Variants in MYL4 observed in about 807,000 individuals in gnomAD.
MYL4 encodes myosin light chain 4, also known as atrial myosin light chain 1.
In MYL4, 16 loss-of-function variants were observed where a neutral mutation model predicts 21.6. That is an observed-to-expected ratio of 0.74 (90% confidence interval 0.50 to 1.12). MYL4 has a LOEUF of 1.12. Among genes scored for constraint, MYL4 ranks in the 50% most tolerant of loss-of-function variants. MYL4 has a pLI of 0.00. For synonymous variants in MYL4, 82 were observed against 95.7 expected (o/e 0.86, Z 0.83); for missense variants, 249 against 252.9 (o/e 0.98, Z 0.11).
intron 2 of MYL4, among the ~76,000 whole-genome samples, chr17:47,219,545 G>A (rs1192872570): frequency 6.6e-6 from 1 of 152,042 alleles, no homozygotes; most frequent in Non-Finnish European, 1.5e-5. Flanking sequence ...GTTTCACTCT[G>A]TCACCCAGGC....
chr17:47,204,461 G>T (rs940715643), upstream of MYL4, among the ~76,000 whole-genome samples: 1 of 152,158 alleles, frequency 6.6e-6, no homozygotes. Context: ...TAGTTGCTTT[G>T]TGCTAGACAC....
intron 1 of MYL4, among the ~76,000 whole-genome samples, chr17:47,201,005 C>T (rs1444586324): frequency 1.3e-5 from 2 of 152,130 alleles, no homozygotes; most frequent in African/African-American, 4.8e-5. Context: ...AACCCTGTCT[C>T]TACTAAAAAT....
At chr17:47,224,620 T>C (rs1310423443), downstream of MYL4, among the ~76,000 whole-genome samples, 6 of 152,146 alleles carry the variant, frequency 3.9e-5, no homozygotes, top group Admixed American at 3.9e-4. Flanking sequence ...AATCAGACAG[T>C]GTTTGTCTTT....
the MYL4 span, among the ~76,000 whole-genome samples, chr17:47,192,939 G>A: frequency 6.6e-6 from 1 of 152,090 alleles, no homozygotes; most frequent in Non-Finnish European, 1.5e-5. Flanking sequence ...TTTCTCCTAA[G>A]CCTGCTTCTT....
At chr17:47,197,320 G>A (rs916971389), upstream of MYL4, among the ~76,000 whole-genome samples, 4 of 151,992 alleles carry the variant, frequency 2.6e-5, no homozygotes, top group Admixed American at 6.6e-5. Flanking sequence ...GGATGGTCTC[G>A]ATCTCCTGAC....
At chr17:47,222,053 G>T (rs1266344139) in intron 4 of MYL4, among the ~76,000 whole-genome samples, 198 bp downstream of exon 4, 1 of 152,130 alleles carries the variant, frequency 6.6e-6, no homozygotes, top group East Asian at 1.9e-4. Context: ...GCAGGTACCA[G>T]GGTTTGGGAG....
intron 1 of MYL4, among the ~76,000 whole-genome samples, chr17:47,203,811 T>C (rs1235485790): frequency 1.3e-5 from 2 of 151,988 alleles, no homozygotes; most frequent in African/African-American, 4.8e-5. Flanking sequence ...AGGCTGGGGG[T>C]GAATGAGCCC....
the MYL4 span, among the ~76,000 whole-genome samples, chr17:47,193,107 T>G: frequency 6.6e-6 from 1 of 152,080 alleles, no homozygotes; most frequent in African/African-American, 2.4e-5. Context: ...TCTGTACCCT[T>G]CATTTTGTCC....
At chr17:47,206,710 G>A (rs1025786526), upstream of MYL4, among the ~76,000 whole-genome samples, 5 of 152,118 alleles carry the variant, frequency 3.3e-5, no homozygotes, top group African/African-American at 4.8e-5. Flanking sequence ...TGTTGAACAT[G>A]GTTTGAAAGT....
chr17:47,190,667 G>A, the MYL4 span, among the ~76,000 whole-genome samples: 1 of 152,256 alleles, frequency 6.6e-6, no homozygotes, highest in African/African-American at 2.4e-5. Context: ...CAGGTGCTAA[G>A]ATGATTTTTG....
intron 3 of MYL4, 97 bp from the exon 4 acceptor site, chr17:47,221,585 G>C: frequency 1.4e-6 from 2 of 1,398,524 alleles, no homozygotes; most frequent in Non-Finnish European, 2.0e-6. Context: ...CAAGCCCTGG[G>C]TGCTGTCAGA....
At chr17:47,193,559 C>T in the MYL4 span, among the ~76,000 whole-genome samples, 4 of 152,016 alleles carry the variant, frequency 2.6e-5, no homozygotes, top group African/African-American at 4.8e-5. Context: ...TGAGCCACTG[C>T]GCCTGGCCTA....
rs1396931452 is a variant in MYL4 at position 47,223,665 on chromosome 17, G to C, written c.*172G>C. 6.6e-6 allele frequency: 1 copy of C among 152,336 alleles called. No homozygotes were observed. The highest frequency in any genetic ancestry group is 1.5e-5 in the Non-Finnish European group (1 of 68,172). 9.4% of individuals were successfully genotyped at this position (152,336 alleles called of 1,614,324 possible). Reference sequence around the variant, plus strand: ...AACAGCTCTAACACGGCCAGGCTGGGCTCTGGGATTCTGACCAGTCTCTGT... The same window carrying C: ...AACAGCTCTAACACGGCCAGGCTGGCCTCTGGGATTCTGACCAGTCTCTGT... On this transcript the variant is annotated 3_prime_UTR_variant, in exon 7 of 7. Transcript: ENST00000393450.
At chr17:47,191,336 ATAAG>A in the MYL4 span, among the ~76,000 whole-genome samples, 1 of 152,230 alleles carries the variant, frequency 6.6e-6, no homozygotes, top group African/African-American at 2.4e-5. Flanking sequence ...AAAGAAAGGG[ATAAG>A]TAAGAGCTAT....
At chr17:47,206,520 A>G (rs1396652797), upstream of MYL4, among the ~76,000 whole-genome samples, 1 of 152,088 alleles carries the variant, frequency 6.6e-6, no homozygotes, top group Non-Finnish European at 1.5e-5. Context: ...AAGCCATGGA[A>G]CCATTAGAAA....
At chr17:47,213,350 G>A (rs1028324876) in intron 1 of MYL4, among the ~76,000 whole-genome samples, 7 of 152,046 alleles carry the variant, frequency 4.6e-5, no homozygotes, top group Non-Finnish European at 8.8e-5. Context: ...GGACCCCCAC[G>A]GATACCAAAA....
intron 2 of MYL4, among the ~76,000 whole-genome samples, chr17:47,216,040 C>A (rs557182171): frequency 2.6e-5 from 4 of 151,776 alleles, no homozygotes; most frequent in African/African-American, 9.7e-5. Context: ...TGGCCTCCCA[C>A]AGTGCTGGGA....
chr17:47,191,649 T>G, the MYL4 span, among the ~76,000 whole-genome samples: 7 of 152,138 alleles, frequency 4.6e-5, no homozygotes, highest in African/African-American at 1.7e-4. Flanking sequence ...TTTTGTATTT[T>G]TAGTAGAGAC....
chr17:47,194,730 G>C, the MYL4 span, among the ~76,000 whole-genome samples: 2,452 of 150,978 alleles, frequency 0.016, 54 homozygotes, highest in African/African-American at 0.057. Flanking sequence ...TCTCACTCAT[G>C]TCTCCTTTAT....
Sources: gnomAD v4.1 joint callset for allele counts (sites outside exome capture counted in the v4.1 genomes callset) on GRCh38, gnomAD v4.1.1 for gene constraint, MANE v1.5 for transcripts, NCBI Gene and HGNC (gene_info 2026-07-23, HGNC 2026-07-21) for gene names.